GRIN2C: variants seen among roughly 807,000 people sequenced by gnomAD.
GRIN2C encodes glutamate ionotropic receptor NMDA type subunit 2C, also known as glutamate receptor ionotropic, NMDA 2C.
A neutral mutation model predicts 77.7 loss-of-function variants in GRIN2C; 64 were observed. That is an observed-to-expected ratio of 0.82 (90% confidence interval 0.67 to 1.01). The LOEUF is 1.01. Among genes scored for constraint, GRIN2C ranks in the 50% least tolerant of loss-of-function variants. The pLI is 0.00. For missense variants in GRIN2C, 1,549 were observed against 1,486.0 expected (o/e 1.04, Z -0.70); for synonymous variants, 792 against 643.4 (o/e 1.23, Z -3.49).
rs1567885030 is a variant in GRIN2C, at chr17:74,842,477, G to C, written c.3660C>G (p.Pro1220=). The C allele has an allele frequency of 1.3e-6, 1 of 777,672 alleles. No individual in the cohort carries two copies. Among genetic ancestry groups the C allele is most frequent in the Non-Finnish European group, 2.4e-6 (1 of 417,240 alleles). 48.2% of individuals were successfully genotyped at this position (777,672 alleles called of 1,614,324 possible). ...VARGTQGFPG[P]CTWRRISSLE... ...GACTGGAGATCCGTCTCCAGGTGCA[G>C]GGTCCCGGGAAGCCTTGCGTCCCAC... is the stretch of plus-strand genomic sequence containing the variant. Residue 1220 remains proline (P), a synonymous_variant, in exon 13 of 13, where the codon CCC becomes CCG. Coordinates refer to ENST00000293190, the MANE Select transcript of GRIN2C (RefSeq NM_000835.6).
intron 2 of GRIN2C, chr17:74,853,535 C>G (rs905832071): frequency 6.6e-6 from 1 of 152,034 alleles, no homozygotes; most frequent in Non-Finnish European, 1.5e-5. Flanking sequence ...ATTTTTTAGA[C>G]GTGATAATGT....
Position 74,843,270 on chromosome 17 carries a change from C to A in GRIN2C, c.2867G>T (p.Ser956Ile). 2 of 931,756 alleles carry A rather than the reference C, an allele frequency of 2.1e-6. No homozygotes were observed. Among genetic ancestry groups the A allele is most frequent in the Non-Finnish European group, 3.0e-6 (2 of 668,654 alleles). The allele number at this position is 931,756 out of a possible 1,614,324, so 57.7% of individuals were successfully genotyped here. Reference sequence around the variant, plus strand: ...GTCTGGCGGTCCCCAGCCCGTGGGGCTCGGCTCTGGGGGCGGGTCGGGGGT... The same window carrying A: ...GTCTGGCGGTCCCCAGCCCGTGGGGATCGGCTCTGGGGGCGGGTCGGGGGT... ...LPTPDPPPEP[S>I]PTGWGPPDGG... The change falls in exon 13 of 13, where the codon AGC (serine) becomes ATC (isoleucine). Residue 956 changes from serine to isoleucine, a missense_variant. Ser to Ile is a moderately radical substitution (Grantham distance 142). Coordinates refer to ENST00000293190, the MANE Select transcript of GRIN2C (RefSeq NM_000835.6).
At chr17:74,856,316 G>A (rs1300214734) in intron 1 of GRIN2C, among the ~76,000 whole-genome samples, 1 of 151,806 alleles carries the variant, frequency 6.6e-6, no homozygotes, top group Non-Finnish European at 1.5e-5. Context: ...CCCAGGATCT[G>A]CACATCTCTG....
At chr17:74,860,568 T>C (rs771935903), upstream of GRIN2C, 40 of 446,268 alleles carry the variant, frequency 9.0e-5, 1 homozygote, top group South Asian at 6.2e-4. Flanking sequence ...GGGCTTCCCC[T>C]CCCCGCCGTC....
At position 74,852,509 on chromosome 17, in the gene GRIN2C, T is replaced by C. The variant is rs1273722771; in HGVS notation, c.502A>G (p.Ile168Val). The stretch of plus-strand genomic sequence containing the variant: ...GCGTGGCCCGGGTGCAGGCTGGTGA[T>C]GACGGCGAAGGCGCTCCAGTCGTAC... ...EEYDWSAFAV[I>V]TSLHPGHALF... Residue 168 changes from isoleucine to valine, a missense_variant, in exon 3 of 13, where the codon ATC becomes GTC. Coordinates refer to ENST00000293190, the MANE Select transcript of GRIN2C (RefSeq NM_000835.6). The C allele has an allele frequency of 2.5e-6, 4 of 1,569,276 alleles. No individual in the cohort carries two copies. Among genetic ancestry groups the C allele is most frequent in the East Asian group, 5.0e-5 (2 of 40,350 alleles).
upstream of GRIN2C, chr17:74,860,359 C>T: frequency 4.4e-6 from 2 of 453,896 alleles, no homozygotes; most frequent in South Asian, 3.1e-5. Flanking sequence ...GGGACCGAGC[C>T]AGAAGTCCCC....
At chr17:74,860,938 C>G (rs1002124482), upstream of GRIN2C, 2 of 187,060 alleles carry the variant, frequency 1.1e-5, no homozygotes, top group African/African-American at 4.8e-5. Context: ...GCCGCACAGC[C>G]CCCTTTCACC....
chr17:74,857,046 A>G (rs1372617994), intron 1 of GRIN2C, among the ~76,000 whole-genome samples: 12 of 152,192 alleles, frequency 7.9e-5, no homozygotes, highest in African/African-American at 7.2e-5. Context: ...GAATGTCCCT[A>G]TGGGTGAGAC....
Position 74,850,053 on chromosome 17 carries a change from G to T in GRIN2C, c.1492-120C>A. The T allele has an allele frequency of 7.4e-7, 1 of 1,352,462 alleles. No homozygotes were observed. The highest frequency in any genetic ancestry group is 1.0e-6 in the Non-Finnish European group (1 of 975,380). The allele number at this position is 1,352,462 out of a possible 1,614,324, so 83.8% of individuals were successfully genotyped here. A position where few individuals can be genotyped will look rare whatever the true frequency, so the allele number is the denominator to read the frequency against. ...AGCTGAGTCAATCATTCCCTCTGGG[G>T]CCCTCAGAGCTCAGCTTTCAGTACT... is the stretch of plus-strand genomic sequence containing the variant. On this transcript the variant is annotated intron_variant, in intron 6 of 12. Transcript: ENST00000293190. This position sits in a 1 kb window ranked among gnomAD's most constrained non-coding sequence, Gnocchi z 5.3.
Position 74,850,217 on chromosome 17 carries a change from T to C in GRIN2C, c.1480A>G (p.Met494Val), listed in dbSNP as rs901127834. The C allele has an allele frequency of 3.1e-6, 5 of 1,613,316 alleles. No homozygotes were observed. Among genetic ancestry groups the C allele is most frequent in the Admixed American group, 1.7e-5 (1 of 60,000 alleles). The change falls in exon 6 of 13, where the codon ATG becomes GTG. Residue 494 changes from methionine to valine, a missense_variant. Physicochemically the swap from Met to Val is conservative, Grantham distance 21. This residue lies in a region of GRIN2C where 717 missense variants were observed against 858.1 expected (regional missense o/e 0.84). Coordinates refer to ENST00000293190, the MANE Select transcript of GRIN2C (RefSeq NM_000835.6). This position sits in a 1 kb window ranked among gnomAD's most constrained non-coding sequence, Gnocchi z 5.3. The part of the protein sequence containing the change: ...GKRVRGVWNG[M>V]IGEVYYKRAD... ...GGGGTGGGGCCTACCTCCCCAATCA[T>C]GCCGTTCCATACGCCGCGCACCCGC...
At position 74,849,658 on chromosome 17, in the gene GRIN2C, C is replaced by T. The variant is rs1375597170; in HGVS notation, c.1645+122G>A. 7 of 893,116 alleles carry T rather than the reference C, an allele frequency of 7.8e-6. No homozygotes were observed. Among genetic ancestry groups the T allele is most frequent in the African/African-American group, 6.8e-5 (4 of 58,952 alleles). 55.3% of individuals were successfully genotyped at this position (893,116 alleles called of 1,614,324 possible). On this transcript the variant is annotated intron_variant, in intron 7 of 12. Coordinates refer to ENST00000293190, the MANE Select transcript of GRIN2C (RefSeq NM_000835.6). This position sits in a 1 kb window ranked among gnomAD's most constrained non-coding sequence, Gnocchi z 4.6. ...CTCACCTCCAGCCAACCTCCAAGAC[C>T]CAAGGCTGCTGTGCTTGGCCTGTGA... is the stretch of plus-strand genomic sequence containing the variant.
chr17:74,855,362 A>G (rs2037792970), intron 1 of GRIN2C, among the ~76,000 whole-genome samples: 1 of 152,144 alleles, frequency 6.6e-6, no homozygotes, highest in East Asian at 1.9e-4. Flanking sequence ...CATGACCGGG[A>G]CCCAGCCCTC....
chr17:74,858,388 C>G (rs2037872463), intron 1 of GRIN2C, among the ~76,000 whole-genome samples: 2 of 151,610 alleles, frequency 1.3e-5, no homozygotes, highest in Non-Finnish European at 1.5e-5. Flanking sequence ...CAGGTTGTAC[C>G]TCTAATCAAG....
upstream of GRIN2C, chr17:74,860,339 C>T (rs1314244557): frequency 4.5e-6 from 2 of 444,530 alleles, no homozygotes; most frequent in East Asian, 7.1e-5. Context: ...CGCCACCATC[C>T]GAGGGCTGGG....
chr17:74,842,873 C>A lies in GRIN2C; in HGVS notation c.3264G>T (p.Glu1088Asp). Residue 1088 changes from glutamate (E) to aspartate (D), a missense_variant, in exon 13 of 13, where the codon GAG becomes GAT. Physicochemically the swap from Glu to Asp is conservative, Grantham distance 45. Transcript: ENST00000293190. ...RHASLPSSVA[E>D]AFARPSSLPA... Reference sequence around the variant, plus strand: ...GCAGCGAGCTGGGCCGAGCGAAGGCCTCGGCCACGGAGCTGGGCAGGGAAG... The same window carrying A: ...GCAGCGAGCTGGGCCGAGCGAAGGCATCGGCCACGGAGCTGGGCAGGGAAG... 1 of 564,012 alleles carries A rather than the reference C, an allele frequency of 1.8e-6. No homozygotes were observed. The highest frequency in any genetic ancestry group is 3.1e-6 in the Non-Finnish European group (1 of 326,912). The allele number at this position is 564,012 out of a possible 1,614,324, so 34.9% of individuals were successfully genotyped here.
At chr17:74,857,779 C>T (rs1022321422) in intron 1 of GRIN2C, among the ~76,000 whole-genome samples, 1 of 152,178 alleles carries the variant, frequency 6.6e-6, no homozygotes, top group Non-Finnish European at 1.5e-5. Flanking sequence ...AGAAACATCT[C>T]TCACCCAAAC....
At chr17:74,851,971 G>T (rs1339336167) in intron 3 of GRIN2C, 42 bp downstream of exon 3, 3 of 1,419,766 alleles carry the variant, frequency 2.1e-6, no homozygotes, top group Admixed American at 2.5e-5. Context: ...CCCCCGAAGC[G>T]CTCCCCACCT....
At chr17:74,858,750 T>G (rs1226746776) in intron 1 of GRIN2C, among the ~76,000 whole-genome samples, 4 of 151,902 alleles carry the variant, frequency 2.6e-5, no homozygotes, top group African/African-American at 9.7e-5. Context: ...CAGAGCCCTC[T>G]GCACCCTGAC....
At position 74,849,165 on chromosome 17, in the gene GRIN2C, G is replaced by A. The variant is rs1394502316; in HGVS notation, c.1645+615C>T. On this transcript the variant is annotated intron_variant, in intron 7 of 12. Coordinates refer to ENST00000293190, the MANE Select transcript of GRIN2C (RefSeq NM_000835.6). This position sits in a 1 kb window ranked among gnomAD's most constrained non-coding sequence, Gnocchi z 4.6. Reference sequence around the variant, plus strand: ...CGTGGCTGAGGAGCCTGCTCAGAGAGGTTCTGTGACTTGCCCGAGGCCACA... The same window carrying A: ...CGTGGCTGAGGAGCCTGCTCAGAGAAGTTCTGTGACTTGCCCGAGGCCACA... 1.3e-5 allele frequency among the ~76,000 whole-genome samples: 2 copies of A among 151,814 alleles called. No individual in the cohort carries two copies. Among genetic ancestry groups the A allele is most frequent in the African/African-American group, 4.8e-5 (2 of 41,316 alleles).
Sources: gnomAD v4.1 joint callset for allele counts (sites outside exome capture counted in the v4.1 genomes callset) on GRCh38, gnomAD v4.1.1 for gene constraint, gnomAD v4.1.1 regional missense constraint, Gnocchi (gnomAD v3.1) non-coding constraint, MANE v1.5 for transcripts, NCBI Gene and HGNC (gene_info 2026-07-23, HGNC 2026-07-21) for gene names.